The following TSC22D1 variants were observed in gnomAD, a reference collection of about 807,000 sequenced individuals.
The protein encoded by TSC22D1 is TSC22 domain family member 1.
In TSC22D1, 9 loss-of-function variants were observed where a neutral mutation model predicts 74.2. The ratio of observed to expected loss-of-function variants is 0.12; its 90% CI spans 0.07 to 0.21. TSC22D1 has a LOEUF of 0.21. TSC22D1 is among the 10% of genes least tolerant of loss of function. The pLI is 1.00. For synonymous variants in TSC22D1, 586 were observed against 492.5 expected, an observed-to-expected ratio of 1.19 and a Z score of -2.51; for missense variants, 1,427 against 1,304.7, an observed-to-expected ratio of 1.09 and a Z score of -1.44.
intron 1 of TSC22D1, chr13:44,437,008 C>G (rs978313223): frequency 2.1e-6 from 2 of 955,532 alleles, no homozygotes; most frequent in Middle Eastern, 1.1e-3. Context: ...CCCCCATTCT[C>G]CAGATCCCGC....
At chr13:44,560,361 CT>C (rs991765795) in intron 1 of TSC22D1, among the ~76,000 whole-genome samples, 2 of 152,160 alleles carry the variant, frequency 1.3e-5, no homozygotes, top group African/African-American at 2.4e-5. Flanking sequence ...CATTAAATGT[CT>C]ACAAAATACC....
chr13:44,436,942 CCCTT>C, intron 1 of TSC22D1: 3 of 1,028,176 alleles, frequency 2.9e-6, no homozygotes, highest in Non-Finnish European at 3.5e-6. Flanking sequence ...GCCCCCTACT[CCCTT>C]CCAGGTCCTC....
intron 1 of TSC22D1, among the ~76,000 whole-genome samples, chr13:44,529,033 A>G (rs1476065914): frequency 6.6e-6 from 1 of 152,130 alleles, no homozygotes; most frequent in African/African-American, 2.4e-5. Context: ...ATATGATACC[A>G]ATTCTCTATA....
At chr13:44,517,765 A>G (rs1439442414) in intron 1 of TSC22D1, among the ~76,000 whole-genome samples, 56 of 132,982 alleles carry the variant, frequency 4.2e-4, no homozygotes, top group Admixed American at 2.0e-3. Context: ...GTGTGTGTGT[A>G]TATATATATA....
At chr13:44,440,966 G>GT (rs994616636) in intron 1 of TSC22D1, among the ~76,000 whole-genome samples, 4 of 152,306 alleles carry the variant, frequency 2.6e-5, no homozygotes, top group African/African-American at 7.2e-5. Flanking sequence ...AGAGAAAAGA[G>GT]TTTTTTTATC....
At chr13:44,562,163 C>T (rs1197559924) in intron 1 of TSC22D1, among the ~76,000 whole-genome samples, 3 of 152,122 alleles carry the variant, frequency 2.0e-5, no homozygotes, top group African/African-American at 7.2e-5. Context: ...CCTCAACCTC[C>T]CAGGGAGCTG....
chr13:44,436,427 G>A (rs1192755756), intron 1 of TSC22D1: 2 of 1,514,688 alleles, frequency 1.3e-6, no homozygotes, highest in Non-Finnish European at 1.8e-6. Context: ...AAAGGAATTC[G>A]CCTGGCTATC....
chr13:44,487,919 G>A (rs534409687), intron 1 of TSC22D1, among the ~76,000 whole-genome samples: 6 of 152,158 alleles, frequency 3.9e-5, no homozygotes, highest in African/African-American at 1.4e-4. Context: ...TTAGCTGGGC[G>A]TGGTGGTGCA....
chr13:44,482,917 T>G (rs1420131767), intron 1 of TSC22D1, among the ~76,000 whole-genome samples: 3 of 152,228 alleles, frequency 2.0e-5, no homozygotes, highest in Admixed American at 6.5e-5. Flanking sequence ...GAAAGATATT[T>G]ATGCTTCACA....
chr13:44,572,319 T>C (rs1047195204), intron 1 of TSC22D1, among the ~76,000 whole-genome samples: 7 of 152,196 alleles, frequency 4.6e-5, no homozygotes, highest in African/African-American at 1.7e-4. Flanking sequence ...AAACGCTTGG[T>C]TTAATAATGT....
In TSC22D1 at chr13:44,492,742, T is replaced by C. The variant is rs76971173; in HGVS notation, c.2913-56647A>G. 4.6e-3 allele frequency among the ~76,000 whole-genome samples: 704 copies of C among 152,342 alleles called. 6 individuals are homozygous for C. The highest frequency in any genetic ancestry group is 0.015 in the African/African-American group (624 of 41,580). ...CAATATCGTTTCAAAGTTACTATGATGTGTTAGCTTTAAGTTTGGTATTAG... is the reference window on the plus strand; with the variant it reads ...CAATATCGTTTCAAAGTTACTATGACGTGTTAGCTTTAAGTTTGGTATTAG... On this transcript the variant is annotated intron_variant, in intron 1 of 2. Coordinates refer to ENST00000458659, the MANE Select transcript of TSC22D1 (RefSeq NM_183422.4).
chr13:44,501,101 T>C (rs756576622), intron 1 of TSC22D1, among the ~76,000 whole-genome samples: 10 of 152,206 alleles, frequency 6.6e-5, no homozygotes, highest in Non-Finnish European at 1.2e-4. Context: ...CAGAGGTTCC[T>C]GCCATGGACC....
chr13:44,483,728 T>C (rs1388463270), intron 1 of TSC22D1, among the ~76,000 whole-genome samples: 2 of 149,968 alleles, frequency 1.3e-5, no homozygotes, highest in Admixed American at 6.6e-5. Flanking sequence ...ACCCTGAACA[T>C]AGACAGGATA....
intron 1 of TSC22D1, among the ~76,000 whole-genome samples, chr13:44,442,231 A>G (rs61275790): frequency 0.016 from 2,367 of 152,370 alleles, 46 homozygotes; most frequent in African/African-American, 0.052. Context: ...AGAATATTTA[A>G]TAAAGTCTCT....
At chr13:44,540,956 C>T (rs1338685107) in intron 1 of TSC22D1, among the ~76,000 whole-genome samples, 5 of 152,256 alleles carry the variant, frequency 3.3e-5, no homozygotes, top group East Asian at 3.9e-4. Flanking sequence ...AAAGGTGCTG[C>T]GTATCCTTGT....
At chr13:44,533,368 G>A (rs942391261) in intron 1 of TSC22D1, among the ~76,000 whole-genome samples, 4 of 151,368 alleles carry the variant, frequency 2.6e-5, no homozygotes, top group South Asian at 2.1e-4. Flanking sequence ...AGGCTGAGGC[G>A]AGAACCACTT....
At chr13:44,537,525 A>G (rs1189995767) in intron 1 of TSC22D1, 1 of 985,046 alleles carries the variant, frequency 1.0e-6, no homozygotes, top group South Asian at 4.7e-5. Context: ...TGGTTCAAAG[A>G]GTTCAACTAA....
chr13:44,470,348 T>G (rs1175184343), intron 1 of TSC22D1, among the ~76,000 whole-genome samples: 2 of 152,156 alleles, frequency 1.3e-5, no homozygotes, highest in Non-Finnish European at 2.9e-5. Flanking sequence ...GTATCACCAA[T>G]AAAGGCATAA....
At chr13:44,567,106 T>C (rs1883426068) in intron 1 of TSC22D1, among the ~76,000 whole-genome samples, 1 of 152,150 alleles carries the variant, frequency 6.6e-6, no homozygotes, top group Non-Finnish European at 1.5e-5. Flanking sequence ...ATGCAGAACA[T>C]ACTGAAAACA....
Sources: allele counts gnomAD v4.1 joint callset (sites outside exome capture counted in the v4.1 genomes callset), GRCh38; gene constraint gnomAD v4.1.1; transcripts MANE v1.5; gene names NCBI Gene and HGNC (gene_info 2026-07-23, HGNC 2026-07-21).